The following RANBP17 variants were observed in gnomAD, a reference collection of about 807,000 sequenced individuals.
RANBP17 encodes the protein ran-binding protein 17.
RANBP17 carries 158 observed loss-of-function variants against 141.2 expected under a neutral mutation model. The ratio of observed to expected loss-of-function variants is 1.12; its 90% CI spans 0.98 to 1.28. The LOEUF (loss-of-function observed/expected upper bound fraction) is 1.28, where lower values mean the gene tolerates loss of function less well. Ranked by LOEUF, RANBP17 falls within the 50% of genes most tolerant of loss-of-function variation. RANBP17 has a pLI of 0.00. For missense variants in RANBP17, 1,438 were observed against 1,290.7 expected, an observed-to-expected ratio of 1.11 and a Z score of -1.75; for synonymous variants, 430 against 450.0, an observed-to-expected ratio of 0.96 and a Z score of 0.56.
At chr5:171,212,148 C>T (rs1762933847) in intron 20 of RANBP17, among the ~76,000 whole-genome samples, 2 of 152,158 alleles carry the variant, frequency 1.3e-5, no homozygotes, top group South Asian at 4.1e-4. Flanking sequence ...CAGAGAAGGC[C>T]TCCTGGGATA....
intron 12 of RANBP17, among the ~76,000 whole-genome samples, chr5:170,952,219 G>C (rs149895856): frequency 1.3e-5 from 2 of 152,042 alleles, no homozygotes; most frequent in East Asian, 1.9e-4. Context: ...GATACTTTCA[G>C]CTTCCTACAT....
intron 14 of RANBP17, among the ~76,000 whole-genome samples, chr5:171,148,708 C>T (rs921966800): frequency 6.6e-6 from 1 of 151,976 alleles, no homozygotes; most frequent in Non-Finnish European, 1.5e-5. Flanking sequence ...GTTTAAGTCC[C>T]AGCCCTGTCA....
At chr5:171,136,515 G>T (rs544208086) in intron 14 of RANBP17, among the ~76,000 whole-genome samples, 3 of 151,908 alleles carry the variant, frequency 2.0e-5, no homozygotes, top group African/African-American at 7.2e-5. Flanking sequence ...ATATTATAAA[G>T]AGGTCATCTT....
At chr5:171,109,301 G>C (rs760223079) in intron 14 of RANBP17, among the ~76,000 whole-genome samples, 1 of 152,130 alleles carries the variant, frequency 6.6e-6, no homozygotes, top group African/African-American at 2.4e-5. Flanking sequence ...AAACTAAGCA[G>C]CTGTTTGTTT....
chr5:171,126,823 A>T (rs971313297), intron 14 of RANBP17, among the ~76,000 whole-genome samples: 2 of 152,192 alleles, frequency 1.3e-5, no homozygotes, highest in Admixed American at 6.5e-5. Flanking sequence ...AGACTGAATC[A>T]GTAATAAAAA....
Position 170,878,241 on chromosome 5 carries a change from A to G in RANBP17, c.163A>G (p.Thr55Ala), listed in dbSNP as rs1768357632. 2 of 1,604,480 alleles carry G rather than the reference A, an allele frequency of 1.2e-6. No homozygotes were observed. Among genetic ancestry groups the G allele is most frequent in the Middle Eastern group, 1.7e-4 (1 of 6,034 alleles). The change falls in exon 2 of 28, where the codon ACA becomes GCA. Residue 55 changes from threonine (T) to alanine (A), a missense_variant and splice_region_variant. Coordinates refer to ENST00000523189, the MANE Select transcript of RANBP17 (RefSeq NM_022897.5). The stretch of plus-strand genomic sequence containing the variant: ...GTGTCAACTTTTATTAGAACAAGGA[A>G]CAGTAAGTATTTGGTAACAATGATT... Reference protein sequence around the residue: ...SKCQLLLEQGTTSYAQLLAAT... With the variant: ...SKCQLLLEQGATSYAQLLAAT...
intron 25 of RANBP17, among the ~76,000 whole-genome samples, chr5:171,278,982 A>G (rs922738744): frequency 6.6e-6 from 1 of 152,232 alleles, no homozygotes; most frequent in African/African-American, 2.4e-5. Context: ...TATTTATACT[A>G]TAAATGTGAA....
chr5:171,182,694 A>G (rs1461997542), intron 16 of RANBP17, among the ~76,000 whole-genome samples: 2 of 152,184 alleles, frequency 1.3e-5, no homozygotes, highest in Admixed American at 1.3e-4. Flanking sequence ...AGTCTGCTAT[A>G]TCCTCCTAAT....
At chr5:170,962,912 A>G (rs1336602111) in intron 13 of RANBP17, among the ~76,000 whole-genome samples, 1 of 152,222 alleles carries the variant, frequency 6.6e-6, no homozygotes, top group East Asian at 1.9e-4. Context: ...AAGTTTTTAA[A>G]AATTTTCGTA....
intron 11 of RANBP17, among the ~76,000 whole-genome samples, chr5:170,920,429 C>T (rs951625360): frequency 6.6e-6 from 1 of 151,862 alleles, no homozygotes; most frequent in African/African-American, 2.4e-5. Flanking sequence ...TATTTTCATG[C>T]ACTTATTTAC....
intron 14 of RANBP17, among the ~76,000 whole-genome samples, chr5:171,102,956 G>A (rs1034792872): frequency 1.3e-5 from 2 of 152,144 alleles, no homozygotes; most frequent in Non-Finnish European, 2.9e-5. Flanking sequence ...ATTGCTGCCT[G>A]TTTGTTCCTC....
At chr5:170,919,677 G>T in intron 11 of RANBP17, 64 bp downstream of exon 11, 1 of 1,312,696 alleles carries the variant, frequency 7.6e-7, no homozygotes, top group South Asian at 1.6e-5. Context: ...TTAAGATAAA[G>T]TTATAAATTT....
intron 25 of RANBP17, among the ~76,000 whole-genome samples, chr5:171,275,071 G>A (rs929547506): frequency 6.6e-6 from 1 of 152,062 alleles, no homozygotes; most frequent in African/African-American, 2.4e-5. Flanking sequence ...TAATTGAAAG[G>A]GATGGAATCC....
chr5:170,979,736 A>G (rs1285078187), intron 14 of RANBP17, among the ~76,000 whole-genome samples: 1 of 152,244 alleles, frequency 6.6e-6, no homozygotes, highest in Non-Finnish European at 1.5e-5. Context: ...TGGAACTGTA[A>G]GTCCAGTAAA....
At chr5:171,188,092 A>G (rs1374359064) in intron 18 of RANBP17, among the ~76,000 whole-genome samples, 1 of 152,204 alleles carries the variant, frequency 6.6e-6, no homozygotes, top group East Asian at 1.9e-4. Context: ...AAACTGCCAA[A>G]AAGTTGAGAG....
At chr5:170,988,688 T>A (rs1249635939) in intron 14 of RANBP17, among the ~76,000 whole-genome samples, 2 of 151,802 alleles carry the variant, frequency 1.3e-5, no homozygotes, top group Admixed American at 1.3e-4. Flanking sequence ...ATTAAAATTT[T>A]ATGTCTACAG....
chr5:170,924,506 T>G lies in RANBP17; in HGVS notation c.1424T>G (p.Leu475Arg). Reference sequence around the variant, plus strand: ...AATGCACAGAATTACCAAAAACTTCTGCATCCATATTCTGGTGTAACTGTG... The same window carrying G: ...AATGCACAGAATTACCAAAAACTTCGGCATCCATATTCTGGTGTAACTGTG... ...DQNAQNYQKL[L>R]HPYSGVTVDI... Residue 475 changes from leucine to arginine, a missense_variant, in exon 12 of 28, where the codon CTG (leucine) becomes CGG (arginine). By Grantham distance (102) the Leu-to-Arg change is moderately radical (BLOSUM62 -2). Transcript: ENST00000523189. 6.2e-7 allele frequency: 1 copy of G among 1,611,972 alleles called. No homozygotes were observed. Among genetic ancestry groups the G allele is most frequent in the Non-Finnish European group, 8.5e-7 (1 of 1,178,582 alleles).
chr5:170,946,242 A>G (rs956754183), intron 12 of RANBP17, among the ~76,000 whole-genome samples: 1 of 152,140 alleles, frequency 6.6e-6, no homozygotes, highest in African/African-American at 2.4e-5. Flanking sequence ...TTAAGAAACC[A>G]GTATCTAAAA....
intron 12 of RANBP17, among the ~76,000 whole-genome samples, chr5:170,936,717 A>G (rs532949763): frequency 1.1e-4 from 16 of 152,312 alleles, no homozygotes; most frequent in African/African-American, 3.6e-4. Flanking sequence ...TGGGTGTAAT[A>G]TAAATATAAA....
Sources: allele counts gnomAD v4.1 joint callset (sites outside exome capture counted in the v4.1 genomes callset), GRCh38; gene constraint gnomAD v4.1.1; transcripts MANE v1.5; gene names NCBI Gene and HGNC (gene_info 2026-07-23, HGNC 2026-07-21).